Variants in STOM observed in about 807,000 individuals in gnomAD.
The protein encoded by STOM is erythrocyte band 7 integral membrane protein.
In STOM, 25 loss-of-function variants were observed where a neutral mutation model predicts 30.6. The observed-to-expected ratio is 0.82, with a 90% CI of 0.60 to 1.14. STOM has a LOEUF of 1.14. STOM is among the 50% of genes most tolerant of loss of function. The pLI, the probability that STOM is intolerant of heterozygous loss-of-function variation, is 0.00. For missense variants in STOM, 292 were observed against 365.2 expected (o/e 0.80, Z 1.63); for synonymous variants, 118 against 130.8 (o/e 0.90, Z 0.67).
rs116313005 is a variant in STOM at position 121,360,805 on chromosome 9, T to C, written c.62-4649A>G. Reference sequence around the variant, plus strand: ...TTTTTGTGTCAGTTCCCATGTCACATTGTGTTTTTGAGAACCCCAGATGTG... The same window carrying C: ...TTTTTGTGTCAGTTCCCATGTCACACTGTGTTTTTGAGAACCCCAGATGTG... On this transcript the variant is annotated intron_variant, in intron 1 of 6. Transcript: ENST00000286713. 7.4e-3 allele frequency among the ~76,000 whole-genome samples: 1,126 copies of C among 152,288 alleles called. 15 individuals are homozygous for C. Among genetic ancestry groups the C allele is most frequent in the African/African-American group, 0.026 (1,067 of 41,526 alleles).
intron 1 of STOM, chr9:121,366,129 T>A (rs1459573209): frequency 1.0e-6 from 1 of 985,218 alleles, no homozygotes; most frequent in Non-Finnish European, 1.2e-6. Context: ...AGTGCTCACT[T>A]TAACTGGACC....
chr9:121,369,447 G>C (rs1054011931), intron 1 of STOM, among the ~76,000 whole-genome samples: 1 of 144,544 alleles, frequency 6.9e-6, no homozygotes, highest in Non-Finnish European at 1.5e-5. Flanking sequence ...GCCACTTACA[G>C]CTCCTGCCTT....
At chr9:121,366,219 G>C in intron 1 of STOM, 2 of 985,356 alleles carry the variant, frequency 2.0e-6, no homozygotes, top group Non-Finnish European at 2.4e-6. Context: ...TCTGAAATGT[G>C]AGGCCAAATG....
chr9:121,359,127 C>T (rs574390988), intron 1 of STOM, among the ~76,000 whole-genome samples: 7 of 152,064 alleles, frequency 4.6e-5, no homozygotes, highest in Non-Finnish European at 8.8e-5. Context: ...ATTTTAATGA[C>T]AGAGGGGAGA....
intron 1 of STOM, among the ~76,000 whole-genome samples, chr9:121,358,800 T>C (rs1003960399): frequency 1.3e-5 from 2 of 152,224 alleles, no homozygotes; most frequent in African/African-American, 4.8e-5. Flanking sequence ...GATCCAACCT[T>C]AAATCAATTG....
At chr9:121,346,387 A>G (rs1031696737) in intron 6 of STOM, among the ~76,000 whole-genome samples, 3 of 152,202 alleles carry the variant, frequency 2.0e-5, no homozygotes, top group Admixed American at 2.0e-4. Flanking sequence ...TCAGAGGAAA[A>G]CAGTGCTGTG....
At chr9:121,358,508 C>T (rs2064419424) in intron 1 of STOM, among the ~76,000 whole-genome samples, 1 of 152,040 alleles carries the variant, frequency 6.6e-6, no homozygotes, top group East Asian at 1.9e-4. Context: ...TTACTTCTTG[C>T]TTTTTCAGTT....
chr9:121,352,356 G>A lies in STOM; in HGVS notation c.321+864C>T, dbSNP rs187465556. On this transcript the variant is annotated intron_variant, in intron 4 of 6. Coordinates refer to ENST00000286713, the MANE Select transcript of STOM (RefSeq NM_004099.6). ...ATATTTTTGATCCATGGAGCCAACC[G>A]TATAATCTATGTACATTTTCCTGTA... Among the ~76,000 whole-genome samples the A allele has an allele frequency of 2.5e-3, 385 of 152,158 alleles. 7 individuals carry two copies. The highest frequency in any genetic ancestry group is 1.2e-3 in the Non-Finnish European group (85 of 68,008).
chr9:121,339,833 A>C lies in STOM; in HGVS notation c.*1369T>G. On this transcript the variant is annotated 3_prime_UTR_variant, in exon 7 of 7. Coordinates refer to ENST00000286713, the MANE Select transcript of STOM (RefSeq NM_004099.6). The stretch of plus-strand genomic sequence containing the variant: ...AGAATGACTAGGTAAATTTAAAAAG[A>C]CCTACATCTATATAGATATTGTAAG... 8.4e-7 allele frequency: 1 copy of C among 1,193,284 alleles called. No individual in the cohort carries two copies. Among genetic ancestry groups the C allele is most frequent in the Non-Finnish European group, 1.0e-6 (1 of 964,238 alleles). 73.9% of individuals were successfully genotyped at this position (1,193,284 alleles called of 1,614,324 possible).
intron 4 of STOM, among the ~76,000 whole-genome samples, chr9:121,350,866 C>G (rs2064332788): frequency 6.6e-6 from 1 of 152,194 alleles, no homozygotes; most frequent in South Asian, 2.1e-4. Context: ...CAAAATACTT[C>G]TAACATGGAA....
chr9:121,354,460 C>T (rs1302417067), intron 3 of STOM, 141 bp downstream of exon 3: 30 of 584,854 alleles, frequency 5.1e-5, no homozygotes, highest in Admixed American at 1.3e-4. Context: ...TTCAAGGCTG[C>T]AGTGAGACAT....
intron 6 of STOM, 133 bp from the exon 7 acceptor site, chr9:121,341,541 A>G (rs1355302615): frequency 1.7e-6 from 2 of 1,173,394 alleles, no homozygotes; most frequent in Non-Finnish European, 2.4e-6. Context: ...TAGTTTTAAG[A>G]AAATCAATTT....
intron 1 of STOM, among the ~76,000 whole-genome samples, chr9:121,369,474 G>T (rs1009551914): frequency 1.3e-5 from 2 of 152,142 alleles, no homozygotes; most frequent in African/African-American, 2.4e-5. Context: ...TGGGAAGGGA[G>T]GGTGGGGGTG....
chr9:121,346,433 C>T (rs2064290334), intron 6 of STOM, among the ~76,000 whole-genome samples: 1 of 152,206 alleles, frequency 6.6e-6, no homozygotes. Flanking sequence ...GGATGGAGTG[C>T]TAGCATCTGG....
chr9:121,367,855 T>G (rs2064519883), intron 1 of STOM, among the ~76,000 whole-genome samples: 1 of 152,208 alleles, frequency 6.6e-6, no homozygotes, highest in South Asian at 2.1e-4. Context: ...GGTTCTACAT[T>G]TTGGTATCCA....
At chr9:121,360,673 T>C (rs1035826495) in intron 1 of STOM, among the ~76,000 whole-genome samples, 4 of 152,230 alleles carry the variant, frequency 2.6e-5, no homozygotes, top group African/African-American at 4.8e-5. Flanking sequence ...TAATTTGCCA[T>C]TTGCTTCATA....
At chr9:121,366,886 G>C (rs1366875695) in intron 1 of STOM, among the ~76,000 whole-genome samples, 1 of 151,202 alleles carries the variant, frequency 6.6e-6, no homozygotes, top group Non-Finnish European at 1.5e-5. Flanking sequence ...CCAGGAGTTC[G>C]AGACCAGCCT....
At chr9:121,350,235 G>A (rs1308482278) in intron 4 of STOM, among the ~76,000 whole-genome samples, 1 of 152,184 alleles carries the variant, frequency 6.6e-6, no homozygotes, top group African/African-American at 2.4e-5. Flanking sequence ...CAGGAAGATT[G>A]CTCCAGCCTG....
rs1445496133 is a variant in STOM at position 121,341,029 on chromosome 9, A to G, written c.*173T>C. The G allele has an allele frequency of 1.4e-6, 2 of 1,439,710 alleles. No homozygotes were observed. Among genetic ancestry groups the G allele is most frequent in the South Asian group, 1.5e-5 (1 of 66,824 alleles). The allele number at this position is 1,439,710 out of a possible 1,614,324, so 89.2% of individuals were successfully genotyped here. A position where few individuals can be genotyped will look rare whatever the true frequency, so the allele number is the denominator to read the frequency against. On this transcript the variant is annotated 3_prime_UTR_variant, in exon 7 of 7. Coordinates refer to ENST00000286713, the MANE Select transcript of STOM (RefSeq NM_004099.6). ...ACAGATTACCTTATATAAATCACCA[A>G]TCTCTCAGTATTTACAAGCTAACAA...
Sources: allele counts gnomAD v4.1 joint callset (sites outside exome capture counted in the v4.1 genomes callset), GRCh38; gene constraint gnomAD v4.1.1; transcripts MANE v1.5; gene names NCBI Gene and HGNC (gene_info 2026-07-23, HGNC 2026-07-21).